SIN3A: variants seen among roughly 807,000 people sequenced by gnomAD.
SIN3A encodes SIN3 transcription regulator family member A.
SIN3A carries 14 observed loss-of-function variants against 146.1 expected under a neutral mutation model. That is an observed-to-expected ratio of 0.10 (90% confidence interval 0.06 to 0.15). The LOEUF (loss-of-function observed/expected upper bound fraction) is 0.15. Ranked by LOEUF, SIN3A falls within the 10% of genes least tolerant of loss-of-function variation. The pLI, the probability that SIN3A is intolerant of heterozygous loss-of-function variation, is 1.00. For synonymous variants in SIN3A, 572 were observed against 572.0 expected, an observed-to-expected ratio of 1.00 and a Z score of 0.00; for missense variants, 1,028 against 1,576.0, an observed-to-expected ratio of 0.65 and a Z score of 5.89.
At position 75,400,995 on chromosome 15, in the gene SIN3A, T is replaced by C. The variant is rs80267588; in HGVS notation, c.1527-55A>G. The stretch of plus-strand genomic sequence containing the variant: ...AATTAGGGGCAGGATGCAGTTATCC[T>C]GAGGTATGACTACTACCATCTGGTT... On this transcript the variant is annotated intron_variant, in intron 10 of 20. Coordinates refer to ENST00000394947, the MANE Select transcript of SIN3A (RefSeq NM_001145358.2). The C allele has an allele frequency of 1.5e-4, 194 of 1,268,448 alleles. 2 individuals are homozygous for C. In the East Asian group the frequency reaches 4.4e-3, roughly 29 times the overall value. 78.6% of individuals were successfully genotyped at this position (1,268,448 alleles called of 1,614,324 possible).
chr15:75,450,399 G>A (rs994278952), intron 1 of SIN3A, among the ~76,000 whole-genome samples: 8 of 151,988 alleles, frequency 5.3e-5, no homozygotes, highest in Non-Finnish European at 7.4e-5. Context: ...GTACAGCCAC[G>A]GTAACTGAAC....
rs374743487 is a variant in SIN3A, at chr15:75,410,324, C to T, written c.1009-38G>A. ...AAATGAAAAGAGATCATTTGGGCTA[C>T]TGTTTTGAGTCACTCATCTTTGCAC... is the stretch of plus-strand genomic sequence containing the variant. On this transcript the variant is annotated intron_variant, in intron 6 of 20. Transcript: ENST00000394947. The T allele has an allele frequency of 1.4e-4, 221 of 1,601,602 alleles. 1 individual carries two copies. Among genetic ancestry groups the T allele is most frequent in the South Asian group, 8.7e-4 (78 of 89,580 alleles).
rs1025796526 is a variant in SIN3A at position 75,372,350 on chromosome 15, A to AG, written c.3592-142dup. On this transcript the variant is annotated intron_variant, in intron 20 of 20. Coordinates refer to ENST00000394947, the MANE Select transcript of SIN3A (RefSeq NM_001145358.2). ...TAGATACCACTGTTTTTTTCTTAAA[A>AG]GAAAAAAAAAAGGATTCTCTGTTTA... 5.9e-6 allele frequency: 3 copies of AG among 512,372 alleles called. No individual in the cohort carries two copies. In the Admixed American group the frequency reaches 1.1e-4, roughly 19 times the overall value. The allele number at this position is 512,372 out of a possible 1,614,324, so 31.7% of individuals were successfully genotyped here. A position where few individuals can be genotyped will look rare whatever the true frequency, so the allele number is the denominator to read the frequency against.
At chr15:75,404,842 C>T (rs1045758729) in intron 9 of SIN3A, among the ~76,000 whole-genome samples, 1 of 152,090 alleles carries the variant, frequency 6.6e-6, no homozygotes, top group Non-Finnish European at 1.5e-5. Context: ...TTTCAGAAGA[C>T]TCCTTAAGGC....
At chr15:75,433,021 A>AGT (rs1258452244) in intron 1 of SIN3A, among the ~76,000 whole-genome samples, 12 of 152,150 alleles carry the variant, frequency 7.9e-5, no homozygotes, top group African/African-American at 2.9e-4. Context: ...AGGCTGGGGG[A>AGT]CAGCGCGACT....
chr15:75,393,399 C>T (rs553886627), intron 14 of SIN3A, among the ~76,000 whole-genome samples: 1 of 151,858 alleles, frequency 6.6e-6, no homozygotes, highest in Non-Finnish European at 1.5e-5. Context: ...TTTTTTTTGG[C>T]AGGGTCTTGC....
intron 3 of SIN3A, chr15:75,420,390 T>C (rs2073821248): frequency 6.6e-6 from 1 of 152,126 alleles, no homozygotes; most frequent in Non-Finnish European, 1.5e-5. Flanking sequence ...TTTTTTTTTG[T>C]TTGTTTTTTC....
intron 1 of SIN3A, among the ~76,000 whole-genome samples, chr15:75,448,844 CTT>C (rs2074353028): frequency 6.6e-6 from 1 of 152,154 alleles, no homozygotes; most frequent in Non-Finnish European, 1.5e-5. Context: ...CACCAGGAAT[CTT>C]GTCAAATTAC....
At chr15:75,407,493 G>C (rs1434033991) in intron 8 of SIN3A, among the ~76,000 whole-genome samples, 1 of 152,116 alleles carries the variant, frequency 6.6e-6, no homozygotes, top group African/African-American at 2.4e-5. Flanking sequence ...CCACTGTTTT[G>C]TTCTCCTACC....
intron 16 of SIN3A, among the ~76,000 whole-genome samples, chr15:75,387,178 G>A (rs1383786615): frequency 6.6e-6 from 1 of 152,126 alleles, no homozygotes; most frequent in Admixed American, 6.6e-5. Flanking sequence ...TGAGGAGAAT[G>A]AGAGAAGAGA....
chr15:75,448,832 TTCACCAGGAATCTTG>T (rs1402137519), intron 1 of SIN3A, among the ~76,000 whole-genome samples: 1 of 152,154 alleles, frequency 6.6e-6, no homozygotes, highest in Admixed American at 6.6e-5. Flanking sequence ...AGAATTATAC[TTCACCAGGAATCTTG>T]TCAAATTACT....
intron 3 of SIN3A, among the ~76,000 whole-genome samples, chr15:75,416,319 T>C (rs1314147735): frequency 6.6e-6 from 1 of 152,156 alleles, no homozygotes; most frequent in Non-Finnish European, 1.5e-5. Flanking sequence ...AGAAATTCCC[T>C]GACTTTATTT....
chr15:75,382,885 C>T (rs567303802), intron 17 of SIN3A, among the ~76,000 whole-genome samples: 44 of 152,238 alleles, frequency 2.9e-4, no homozygotes, highest in African/African-American at 5.3e-4. Context: ...GAGTTCAAGA[C>T]CAGCCTGACC....
rs577360059 is a variant in SIN3A at position 75,424,144 on chromosome 15, A to C, written c.190-1321T>G. Among the ~76,000 whole-genome samples, 17 of 152,282 alleles carry C rather than the reference A, an allele frequency of 1.1e-4. No individual in the cohort carries two copies. In the South Asian group the frequency reaches 3.3e-3, roughly 30 times the overall value. On this transcript the variant is annotated intron_variant, in intron 2 of 20. Transcript: ENST00000394947. Reference sequence around the variant, plus strand: ...ACTATGAAAGTGAAATAAAAAATACATAAACCCGCCGGGCGTGGTGGCTCA... The same window carrying C: ...ACTATGAAAGTGAAATAAAAAATACCTAAACCCGCCGGGCGTGGTGGCTCA...
chr15:75,444,359 T>C (rs891427018), intron 1 of SIN3A, among the ~76,000 whole-genome samples: 1 of 152,076 alleles, frequency 6.6e-6, no homozygotes, highest in Non-Finnish European at 1.5e-5. Flanking sequence ...GAGAACCAGT[T>C]GAACCCAGGA....
intron 16 of SIN3A, among the ~76,000 whole-genome samples, 180 bp from the exon 17 acceptor site, chr15:75,384,617 G>GA (rs1175050147): frequency 1.3e-5 from 2 of 152,014 alleles, no homozygotes; most frequent in Non-Finnish European, 2.9e-5. Context: ...TTTTCTTGGA[G>GA]AATAATCAAG....
intron 1 of SIN3A, among the ~76,000 whole-genome samples, chr15:75,449,012 T>C (rs528485420): frequency 6.6e-6 from 1 of 152,238 alleles, no homozygotes; most frequent in East Asian, 1.9e-4. Flanking sequence ...GAAGCATTTA[T>C]GAAAATGTTC....
Position 75,394,788 on chromosome 15 carries a change from T to C in SIN3A, c.2169A>G (p.Lys723=). The C allele has an allele frequency of 2.5e-6, 4 of 1,614,158 alleles. No individual in the cohort carries two copies. The highest frequency in any genetic ancestry group is 4.5e-5 in the East Asian group (2 of 44,878). Residue 723 remains lysine, a synonymous_variant, in exon 14 of 21, where the codon AAA becomes AAG. Transcript: ENST00000394947. ...GGTGGTCCAGAGACTTCAAGTAGTA[T>C]TTCTCATTTTGTTCTCGCCATACTT... ...FNKVWREQNE[K]YYLKSLDHQG...
Position 75,401,974 on chromosome 15 carries a change from A to G in SIN3A, c.1408-4T>C. ...CACTCCGAAGAGCCTTTCGGACCTT[A>G]TGGAGACAACGGGAAGAAAAACAGT... is the stretch of plus-strand genomic sequence containing the variant. On this transcript the variant is annotated splice_region_variant and splice_polypyrimidine_tract_variant and intron_variant, in intron 9 of 20. Coordinates refer to ENST00000394947, the MANE Select transcript of SIN3A (RefSeq NM_001145358.2). 1 of 1,571,206 alleles carries G rather than the reference A, an allele frequency of 6.4e-7. No homozygotes were observed. Among genetic ancestry groups the G allele is most frequent in the South Asian group, 1.1e-5 (1 of 89,814 alleles).
Sources: gnomAD v4.1 joint callset for allele counts (sites outside exome capture counted in the v4.1 genomes callset) on GRCh38, gnomAD v4.1.1 for gene constraint, MANE v1.5 for transcripts, NCBI Gene and HGNC (gene_info 2026-07-23, HGNC 2026-07-21) for gene names.